The following PER1 variants were observed in gnomAD, a reference collection of about 807,000 sequenced individuals.
PER1 encodes the protein period circadian protein homolog 1.
PER1 carries 87 observed loss-of-function variants against 125.9 expected under a neutral mutation model. The observed-to-expected ratio is 0.69, with a 90% CI of 0.58 to 0.83. The LOEUF is 0.83. PER1 is among the 40% of genes least tolerant of loss of function. PER1 has a pLI of 0.00. For missense variants in PER1, 1,775 were observed against 1,722.8 expected, an observed-to-expected ratio of 1.03 and a Z score of -0.54; for synonymous variants, 801 against 714.7, an observed-to-expected ratio of 1.12 and a Z score of -1.93.
chr17:8,141,434 G>T, intron 22 of PER1, 94 bp from the exon 23 acceptor site: 1 of 1,392,698 alleles, frequency 7.2e-7, no homozygotes. Flanking sequence ...TGTGCTTCCC[G>T]AAATGTACTC....
rs1271577741 is a variant in PER1 at position 8,146,098 on chromosome 17, G to C, written c.2078C>G (p.Pro693Arg). 1 of 1,611,936 alleles carries C rather than the reference G, an allele frequency of 6.2e-7. No individual in the cohort carries two copies. The highest frequency in any genetic ancestry group is 1.1e-5 in the South Asian group (1 of 90,822). ...SAALSGEGAT[P>R]RKEPVVGGTL... ...GCCTCCCACCACTGGCTCCTTCCGT[G>C]GGGTGGCCCCCTCCCCAGACAGCGC... Residue 693 changes from proline to arginine, a missense_variant, in exon 17 of 23, where the codon CCA becomes CGA. Physicochemically the swap from Pro to Arg is moderately radical, Grantham distance 103. Coordinates refer to ENST00000317276, the MANE Select transcript of PER1 (RefSeq NM_002616.3).
At position 8,149,489 on chromosome 17, in the gene PER1, G is replaced by A. The variant is rs1413575953; in HGVS notation, c.826C>T (p.Pro276Ser). Residue 276 changes from proline to serine, a missense_variant, in exon 6 of 23, where the codon CCC becomes TCC. Pro to Ser is a moderately conservative substitution (Grantham distance 74, BLOSUM62 -1). Coordinates refer to ENST00000317276, the MANE Select transcript of PER1 (RefSeq NM_002616.3). ...GCTGAGGCCCCTGTGCCCCAGGTGG[G>A]CAGGCGAGATGGAGCAGTGGAACCA... ...FYGSTAPSRLPTWGTGASAGS... is the reference protein window; with the variant it reads ...FYGSTAPSRLSTWGTGASAGS... 6.2e-7 allele frequency: 1 copy of A among 1,613,628 alleles called. No individual in the cohort carries two copies. The highest frequency in any genetic ancestry group is 8.5e-7 in the Non-Finnish European group (1 of 1,179,784).
chr17:8,142,406 G>C lies in PER1; in HGVS notation c.3312C>G (p.Ser1104=), dbSNP rs1008816205. The C allele has an allele frequency of 8.7e-6, 14 of 1,608,720 alleles. No individual in the cohort carries two copies. In the African/African-American group the frequency reaches 1.9e-4, roughly 22 times the overall value. The change falls in exon 21 of 23, where the codon TCC becomes TCG. Residue 1104 remains serine, a synonymous_variant. Transcript: ENST00000317276. ...CCCGAGCAGCCCCAGCCTCAGCCTC[G>C]GAAGAGTCGATGCTGCCAAAGTATT... ...TSKYFGSIDS[S]EAEAGAARGG...
intron 17 of PER1, 95 bp from the exon 18 acceptor site, chr17:8,145,088 C>A (rs754370011): frequency 1.6e-6 from 2 of 1,282,700 alleles, no homozygotes; most frequent in Admixed American, 5.9e-5. Flanking sequence ...TAGCCAACCC[C>A]TGGCAGCTCT....
At position 8,143,357 on chromosome 17, in the gene PER1, C is replaced by T. The variant is rs3027194; in HGVS notation, c.2981G>A (p.Arg994His). Reference protein sequence around the residue: ...LNLLQLEELPRAEGAAVAGGP... With the variant: ...LNLLQLEELPHAEGAAVAGGP... ...TCCTGCAACAGCAGCCCCCTCAGCA[C>T]GGGGGAGCTCCTCCAGCTGCAGCAG... is the stretch of plus-strand genomic sequence containing the variant. Residue 994 changes from arginine to histidine, a missense_variant, in exon 19 of 23, where the codon CGT (arginine) becomes CAT (histidine). By Grantham distance (29) the Arg-to-His change is conservative. Transcript: ENST00000317276. 7.5e-4 allele frequency: 1,215 copies of T among 1,612,534 alleles called. 10 individuals are homozygous for T. The African/African-American group carries it at 0.014, about 19-fold the overall frequency.
Position 8,149,628 on chromosome 17 carries a change from G to A in PER1, c.687C>T (p.Gly229=). The change falls in exon 6 of 23, where the codon GGC becomes GGT. Residue 229 remains glycine (G), a synonymous_variant. Coordinates refer to ENST00000317276, the MANE Select transcript of PER1 (RefSeq NM_002616.3). ...TFSVAVSFLT[G]RIVYISEQAA... ...CCTGCTCCGAAATGTAGACGATTCG[G>A]CCCGTCAGGAAGGAGACAGCCACTG... 3.1e-6 allele frequency: 5 copies of A among 1,611,526 alleles called. No individual in the cohort carries two copies. Among genetic ancestry groups the A allele is most frequent in the Non-Finnish European group, 4.2e-6 (5 of 1,177,760 alleles).
Position 8,142,387 on chromosome 17 carries a change from C to G in PER1, c.3331G>C (p.Ala1111Pro), listed in dbSNP as rs779718056. The stretch of plus-strand genomic sequence containing the variant: ...TCCCCAGGCTCAGCCCCGCCCCGAG[C>G]AGCCCCAGCCTCAGCCTCGGAAGAG... The part of the protein sequence containing the change: ...IDSSEAEAGA[A>P]RGGAEPGDQV... Residue 1111 changes from alanine (A) to proline (P), a missense_variant, in exon 21 of 23, where the codon GCT (alanine) becomes CCT (proline). Coordinates refer to ENST00000317276, the MANE Select transcript of PER1 (RefSeq NM_002616.3). The G allele has an allele frequency of 5.6e-6, 9 of 1,612,376 alleles. No homozygotes were observed. In the Admixed American group the frequency reaches 1.3e-4, roughly 24 times the overall value.
At position 8,141,277 on chromosome 17, in the gene PER1, C is replaced by A; in HGVS notation, c.3664G>T (p.Glu1222Ter). The stretch of plus-strand genomic sequence containing the variant: ...GGCTCCAGCCCCAGTCCATCCAGCT[C>A]TGAGAAGAGTGGGTCATCAGGGTGA... ...PGHPDDPLFSELDGLGLEPME... is the reference protein window; with the variant it reads ...PGHPDDPLFS Residue 1222 changes from glutamate to a stop codon, truncating the protein, a stop_gained, in exon 23 of 23, where the codon GAG becomes TAG. Coordinates refer to ENST00000317276, the MANE Select transcript of PER1 (RefSeq NM_002616.3). LOFTEE classifies it high-confidence loss of function. 6.2e-7 allele frequency: 1 copy of A among 1,614,142 alleles called. No individual in the cohort carries two copies. Among genetic ancestry groups the A allele is most frequent in the African/African-American group, 1.3e-5 (1 of 75,064 alleles).
At position 8,143,574 on chromosome 17, in the gene PER1, C is replaced by A; in HGVS notation, c.2764G>T (p.Val922Leu). ...APLVTPMVAL[V>L]LPNYLFPTPS... ...GTTGGGAACAGATAGTTAGGGAGCACCAAGGCCACCATTGGGGTCACCAAA... is the reference window on the plus strand; with the variant it reads ...GTTGGGAACAGATAGTTAGGGAGCAACAAGGCCACCATTGGGGTCACCAAA... Residue 922 changes from valine to leucine, a missense_variant, in exon 19 of 23, where the codon GTG becomes TTG. By Grantham distance (32) the Val-to-Leu change is conservative (BLOSUM62 1). Transcript: ENST00000317276. 6.8e-7 allele frequency: 1 copy of A among 1,468,358 alleles called. No homozygotes were observed. Among genetic ancestry groups the A allele is most frequent in the Non-Finnish European group, 9.1e-7 (1 of 1,104,574 alleles). The allele number at this position is 1,468,358 out of a possible 1,614,324, so 91.0% of individuals were successfully genotyped here.
chr17:8,146,984 A>T lies in PER1; in HGVS notation c.1648T>A (p.Cys550Ser). Residue 550 changes from cysteine (C) to serine (S), a missense_variant, in exon 14 of 23, where the codon TGT becomes AGT. By Grantham distance (112) the Cys-to-Ser change is moderately radical (BLOSUM62 -1). Coordinates refer to ENST00000317276, the MANE Select transcript of PER1 (RefSeq NM_002616.3). ...TGCTTCACCAGATGCACATCCTTACAGATCTGCTGGAAAGTCACCTGTGGG... is the reference window on the plus strand; with the variant it reads ...TGCTTCACCAGATGCACATCCTTACTGATCTGCTGGAAAGTCACCTGTGGG... ...PPAPVTFQQI[C>S]KDVHLVKHQG... is the part of the protein sequence containing the mutation. 1 of 1,613,880 alleles carries T rather than the reference A, an allele frequency of 6.2e-7. No individual in the cohort carries two copies. The highest frequency in any genetic ancestry group is 8.5e-7 in the Non-Finnish European group (1 of 1,179,838).
Position 8,144,931 on chromosome 17 carries a change from TGG to T in PER1, c.2279_2280del (p.Pro760GlnfsTer7). Reference sequence around the variant, plus strand: ...GCTGGGTCAGGGGCTACTGTGGGGCTGGGGGCTGGGCTGGGGGCTGGGCCTGG... The same window carrying T: ...GCTGGGTCAGGGGCTACTGTGGGGCTGGGCTGGGCTGGGGGCTGGGCCTGG... ...LAPGPAPSPA[P>X]SPTVAPDPAP... On this transcript the variant is annotated frameshift_variant, in exon 18 of 23. Coordinates refer to ENST00000317276, the MANE Select transcript of PER1 (RefSeq NM_002616.3). LOFTEE classifies it high-confidence loss of function. The T allele has an allele frequency of 6.6e-7, 1 of 1,516,348 alleles. No individual in the cohort carries two copies. 93.9% of individuals were successfully genotyped at this position (1,516,348 alleles called of 1,614,324 possible).
chr17:8,148,673 A>C lies in PER1; in HGVS notation c.1019T>G (p.Ile340Ser). ...GTAACCCGAATGGATGCGCTCTGCA[A>C]TCAGCAGGCAGCACGGCTGTGCAGG... ...GAPAQPCCLLIAERIHSGYEA... is the reference protein window; with the variant it reads ...GAPAQPCCLLSAERIHSGYEA... Residue 340 changes from isoleucine to serine, a missense_variant, in exon 8 of 23, where the codon ATT (isoleucine) becomes AGT (serine). Coordinates refer to ENST00000317276, the MANE Select transcript of PER1 (RefSeq NM_002616.3). 1.9e-6 allele frequency: 3 copies of C among 1,612,606 alleles called. No homozygotes were observed. The highest frequency in any genetic ancestry group is 2.5e-6 in the Non-Finnish European group (3 of 1,179,486).
chr17:8,150,369 T>C, intron 2 of PER1, 52 bp from the exon 3 acceptor site: 2 of 1,557,412 alleles, frequency 1.3e-6, no homozygotes, highest in Admixed American at 1.9e-5. Flanking sequence ...GTGCGAGGCC[T>C]GTCACCCAGC....
chr17:8,143,581 C>A lies in PER1; in HGVS notation c.2757G>T (p.Val919=), dbSNP rs375607559. Residue 919 remains valine (V), a synonymous_variant, in exon 19 of 23, where the codon GTG becomes GTT. Coordinates refer to ENST00000317276, the MANE Select transcript of PER1 (RefSeq NM_002616.3). ...AFPAPLVTPM[V]ALVLPNYLFP... is the part of the protein sequence containing the mutation. ...ACAGATAGTTAGGGAGCACCAAGGC[C>A]ACCATTGGGGTCACCAAAGGGGCGG... 15 of 1,463,132 alleles carry A rather than the reference C, an allele frequency of 1.0e-5. No individual in the cohort carries two copies. In the African/African-American group the frequency reaches 2.0e-4, roughly 19 times the overall value. 90.6% of individuals were successfully genotyped at this position (1,463,132 alleles called of 1,614,324 possible). A position where few individuals can be genotyped will look rare whatever the true frequency, so the allele number is the denominator to read the frequency against.
Position 8,142,742 on chromosome 17 carries a change from C to G in PER1, c.3166G>C (p.Gly1056Arg). The G allele has an allele frequency of 6.2e-7, 1 of 1,613,956 alleles. No homozygotes were observed. The highest frequency in any genetic ancestry group is 8.5e-7 in the Non-Finnish European group (1 of 1,179,976). The change falls in exon 20 of 23, where the codon GGC becomes CGC. Residue 1056 changes from glycine to arginine, a missense_variant. Transcript: ENST00000317276. ...CCCAAGGAGCCCGAGGCTGCGGAGC[C>G]TGTGCCGGAGCGCGAGTCCTCTTGC... Reference protein sequence around the residue: ...LLQEDSRSGTGSAASGSLGSG... With the variant: ...LLQEDSRSGTRSAASGSLGSG...
chr17:8,147,876 T>A, intron 10 of PER1, 49 bp from the exon 11 acceptor site: 3 of 1,606,524 alleles, frequency 1.9e-6, no homozygotes, highest in Non-Finnish European at 2.6e-6. Context: ...GAGAGCTGAG[T>A]AAGAGGGAGG....
intron 7 of PER1, 172 bp from the exon 8 acceptor site, chr17:8,148,958 G>A (rs1982639423): frequency 2.7e-6 from 2 of 730,934 alleles, no homozygotes; most frequent in African/African-American, 1.8e-5. Flanking sequence ...GGAGGCCAAG[G>A]CAGGCGGATC....
In PER1 at chr17:8,141,218, G is replaced by A. The variant is rs769865378; in HGVS notation, c.3723C>T (p.Ser1241=). Residue 1241 remains serine, a synonymous_variant, in exon 23 of 23, where the codon AGC becomes AGT. Transcript: ENST00000317276. ...MEEGGGEQGS[S]GGGSGEGEGC... ...CCTCTCCCTCACCACTGCCGCCACCGCTGCTGCCCTGCTCGCCTCCACCCT... is the reference window on the plus strand; with the variant it reads ...CCTCTCCCTCACCACTGCCGCCACCACTGCTGCCCTGCTCGCCTCCACCCT... 3.2e-5 allele frequency: 51 copies of A among 1,613,998 alleles called. No individual in the cohort carries two copies. Among genetic ancestry groups the A allele is most frequent in the Non-Finnish European group, 3.8e-5 (45 of 1,180,042 alleles).
rs1353683255 is a variant in PER1, at chr17:8,147,986, G to A, written c.1234+11C>T. ...ACAGTGGGAAGGGCGAGCAGGGCGA[G>A]AGGAACTCACTCTTCTTGTGGATAG... On this transcript the variant is annotated intron_variant, in intron 10 of 22. Transcript: ENST00000317276. The A allele has an allele frequency of 3.1e-6, 5 of 1,607,896 alleles. No individual in the cohort carries two copies. Among genetic ancestry groups the A allele is most frequent in the Non-Finnish European group, 4.3e-6 (5 of 1,176,260 alleles).
Sources: allele counts gnomAD v4.1 joint callset, GRCh38; gene constraint gnomAD v4.1.1; transcripts MANE v1.5; gene names NCBI Gene and HGNC (gene_info 2026-07-23, HGNC 2026-07-21).